The following DPYD variants were observed in gnomAD, a reference collection of about 807,000 sequenced individuals.
DPYD encodes the protein dihydropyrimidine dehydrogenase, also known as dihydropyrimidine dehydrogenase [NADP(+)].
Under a neutral mutation model 116.2 loss-of-function variants are expected in DPYD, and 109 were observed. The observed-to-expected ratio is 0.94, with a 90% CI of 0.80 to 1.10. The LOEUF (loss-of-function observed/expected upper bound fraction) is 1.10, where lower values mean the gene tolerates loss of function less well. Among genes scored for constraint, DPYD ranks in the 50% least tolerant of loss-of-function variants. The pLI, the probability that DPYD is intolerant of heterozygous loss-of-function variation, is 0.00. For missense variants in DPYD, 1,302 were observed against 1,254.5 expected, an observed-to-expected ratio of 1.04 and a Z score of -0.57; for synonymous variants, 440 against 432.0, an observed-to-expected ratio of 1.02 and a Z score of -0.23.
intron 1 of DPYD, among the ~76,000 whole-genome samples, chr1:97,887,508 G>A (rs1018972007): frequency 4.1e-5 from 5 of 120,680 alleles, no homozygotes; most frequent in Admixed American, 2.7e-4. Context: ...ATATCCAGTC[G>A]CTAGTAACAA....
At chr1:97,248,841 A>T (rs758780775) in intron 18 of DPYD, among the ~76,000 whole-genome samples, 6 of 152,236 alleles carry the variant, frequency 3.9e-5, no homozygotes, top group Admixed American at 6.5e-5. Context: ...AAGTTAAAAA[A>T]TAGTATTCAC....
At chr1:97,256,379 C>T (rs1663466667) in intron 18 of DPYD, among the ~76,000 whole-genome samples, 1 of 151,998 alleles carries the variant, frequency 6.6e-6, no homozygotes, top group Non-Finnish European at 1.5e-5. Flanking sequence ...TGAATTGTAG[C>T]TTCCACAATT....
chr1:97,486,545 G>C (rs1482651909), intron 13 of DPYD, among the ~76,000 whole-genome samples: 1 of 152,098 alleles, frequency 6.6e-6, no homozygotes, highest in African/African-American at 2.4e-5. Flanking sequence ...GGTGTTTTAA[G>C]AGACTGTTAC....
At chr1:97,428,683 A>T (rs965608937) in intron 14 of DPYD, among the ~76,000 whole-genome samples, 1 of 152,128 alleles carries the variant, frequency 6.6e-6, no homozygotes, top group African/African-American at 2.4e-5. Context: ...TCAGATTTTT[A>T]AAAATTAAAC....
intron 19 of DPYD, among the ~76,000 whole-genome samples, chr1:97,203,245 G>T (rs1018110538): frequency 2.0e-5 from 3 of 152,098 alleles, no homozygotes; most frequent in Non-Finnish European, 4.4e-5. Flanking sequence ...CACCTCTCAT[G>T]ATAAAAGTGG....
At chr1:97,814,653 A>G (rs1668490191) in intron 3 of DPYD, among the ~76,000 whole-genome samples, 2 of 152,136 alleles carry the variant, frequency 1.3e-5, no homozygotes, top group Non-Finnish European at 2.9e-5. Flanking sequence ...AGATAGAAAG[A>G]CTTGTGGATG....
At chr1:97,474,093 A>G (rs1677813429) in intron 13 of DPYD, among the ~76,000 whole-genome samples, 1 of 151,946 alleles carries the variant, frequency 6.6e-6, no homozygotes, top group Non-Finnish European at 1.5e-5. Context: ...AAAATAGGTT[A>G]CCGTATGATC....
chr1:97,791,211 C>T (rs1420636415), intron 3 of DPYD, among the ~76,000 whole-genome samples: 1 of 152,132 alleles, frequency 6.6e-6, no homozygotes, highest in African/African-American at 2.4e-5. Context: ...GTATTTCCGA[C>T]CCCTTCCTAT....
intron 20 of DPYD, among the ~76,000 whole-genome samples, chr1:97,136,507 A>C (rs981636922): frequency 6.6e-6 from 1 of 152,056 alleles, no homozygotes; most frequent in Non-Finnish European, 1.5e-5. Flanking sequence ...TGGACACGTA[A>C]TGAGATTTTT....
At chr1:97,263,718 G>C (rs1013363533) in intron 18 of DPYD, among the ~76,000 whole-genome samples, 1 of 152,010 alleles carries the variant, frequency 6.6e-6, no homozygotes, top group African/African-American at 2.4e-5. Context: ...ACATTTGTTT[G>C]CCTTCTAACT....
At chr1:97,415,160 AC>A (rs1365290977) in intron 14 of DPYD, among the ~76,000 whole-genome samples, 1 of 146,428 alleles carries the variant, frequency 6.8e-6, no homozygotes, top group Non-Finnish European at 1.5e-5. Context: ...ATAAAGGCAA[AC>A]AAAACTCTAG....
intron 18 of DPYD, among the ~76,000 whole-genome samples, chr1:97,237,148 G>A (rs966500454): frequency 3.4e-5 from 5 of 148,596 alleles, no homozygotes; most frequent in African/African-American, 1.2e-4. Context: ...GGCTGAGGCA[G>A]GAGAATTGCT....
intron 3 of DPYD, among the ~76,000 whole-genome samples, chr1:97,779,355 G>C (rs1024094899): frequency 6.6e-6 from 1 of 151,742 alleles, no homozygotes; most frequent in Non-Finnish European, 1.5e-5. Context: ...CAATAGCTTA[G>C]ATTTGAAGAA....
At chr1:97,742,567 G>A (rs1272883478) in intron 3 of DPYD, among the ~76,000 whole-genome samples, 1 of 151,804 alleles carries the variant, frequency 6.6e-6, no homozygotes, top group Non-Finnish European at 1.5e-5. Flanking sequence ...TTTTTTCCCC[G>A]AAACACTATT....
intron 12 of DPYD, 22 bp from the exon 13 acceptor site, chr1:97,515,963 T>C (rs1167781268): frequency 6.2e-7 from 1 of 1,603,912 alleles, no homozygotes; most frequent in East Asian, 2.2e-5. Flanking sequence ...AAACCAATAC[T>C]TGGTTTCATA....
At chr1:97,181,582 C>G (rs1167793729) in intron 20 of DPYD, among the ~76,000 whole-genome samples, 1 of 152,004 alleles carries the variant, frequency 6.6e-6, no homozygotes, top group African/African-American at 2.4e-5. Flanking sequence ...CCAGATCAAA[C>G]AAAACTAAGC....
intron 13 of DPYD, among the ~76,000 whole-genome samples, chr1:97,462,792 C>T (rs989629480): frequency 6.6e-6 from 1 of 152,090 alleles, no homozygotes; most frequent in Admixed American, 6.5e-5. Context: ...TAGAGAATCC[C>T]CTTCCTTTTC....
chr1:97,534,554 AT>A (rs1257278969), intron 12 of DPYD, among the ~76,000 whole-genome samples: 19 of 151,876 alleles, frequency 1.3e-4, no homozygotes, highest in Non-Finnish European at 2.5e-4. Flanking sequence ...AAGGCATTAC[AT>A]TTTTTTCTTT....
intron 13 of DPYD, among the ~76,000 whole-genome samples, chr1:97,459,036 A>C (rs1460689215): frequency 6.6e-6 from 1 of 152,176 alleles, no homozygotes; most frequent in Admixed American, 6.5e-5. Flanking sequence ...AATGTATATA[A>C]TGGGATTATC....
Sources: gnomAD v4.1 joint callset for allele counts (sites outside exome capture counted in the v4.1 genomes callset) on GRCh38, gnomAD v4.1.1 for gene constraint, MANE v1.5 for transcripts, NCBI Gene and HGNC (gene_info 2026-07-23, HGNC 2026-07-21) for gene names.